Variants in LRRTM4 observed in about 807,000 individuals in gnomAD.
The protein encoded by LRRTM4 is leucine rich repeat transmembrane neuronal 4, also known as leucine-rich repeat transmembrane neuronal protein 4.
Under a neutral mutation model 47.6 loss-of-function variants are expected in LRRTM4, and 25 were observed. That is an observed-to-expected ratio of 0.53 (90% CI 0.38 to 0.73). The LOEUF (loss-of-function observed/expected upper bound fraction) is 0.73, where lower values mean the gene tolerates loss of function less well. Ranked by LOEUF, LRRTM4 falls within the 30% of genes least tolerant of loss-of-function variation. The pLI is 0.00. For missense variants in LRRTM4, 638 were observed against 713.4 expected (o/e 0.89, Z 1.20); for synonymous variants, 311 against 269.5 (o/e 1.15, Z -1.51).
intron 3 of LRRTM4, among the ~76,000 whole-genome samples, chr2:76,795,303 G>C (rs575379458): frequency 2.0e-5 from 3 of 152,144 alleles, no homozygotes; most frequent in South Asian, 2.1e-4. Flanking sequence ...ACAATATCTT[G>C]TTTTGAAATA....
chr2:77,444,932 TAC>T (rs745467847), intron 3 of LRRTM4, among the ~76,000 whole-genome samples: 2 of 121,994 alleles, frequency 1.6e-5, no homozygotes, highest in Admixed American at 8.3e-5. Context: ...TCCTTTATTT[TAC>T]ACACACACAC....
intron 3 of LRRTM4, among the ~76,000 whole-genome samples, chr2:76,833,726 T>C (rs2103904225): frequency 6.6e-6 from 1 of 152,090 alleles, no homozygotes; most frequent in South Asian, 2.1e-4. Context: ...TAAAATATTC[T>C]ACATGCTCAA....
intron 3 of LRRTM4, among the ~76,000 whole-genome samples, chr2:76,755,172 C>T (rs1470882594): frequency 6.6e-6 from 1 of 152,108 alleles, no homozygotes. Flanking sequence ...TAGTCTATCC[C>T]TGACCATTTT....
intron 3 of LRRTM4, among the ~76,000 whole-genome samples, chr2:77,424,134 T>C (rs1675015276): frequency 6.6e-6 from 1 of 152,140 alleles, no homozygotes; most frequent in African/African-American, 2.4e-5. Context: ...GACTGAGAGG[T>C]CAGAATCTGA....
chr2:76,893,390 T>A lies in LRRTM4; in HGVS notation c.1552-144474A>T, dbSNP rs374664231. The stretch of plus-strand genomic sequence containing the variant: ...GGACACATTTCTAATAACCTAATAA[T>A]CTCTGATAACTTCTGATAACATTAA... On this transcript the variant is annotated intron_variant, in intron 3 of 3. Coordinates refer to ENST00000409884, the MANE Select transcript of LRRTM4 (RefSeq NM_001134745.3). Among the ~76,000 whole-genome samples, 9 of 151,782 alleles carry A rather than the reference T, an allele frequency of 5.9e-5. No homozygotes were observed. The East Asian group carries it at 9.7e-4, about 16-fold the overall frequency.
intron 3 of LRRTM4, among the ~76,000 whole-genome samples, chr2:77,465,739 G>C (rs771918828): frequency 6.6e-6 from 1 of 152,130 alleles, no homozygotes; most frequent in African/African-American, 2.4e-5. Flanking sequence ...TTACCTATCA[G>C]TGGTCCCAGA....
intron 3 of LRRTM4, among the ~76,000 whole-genome samples, chr2:76,927,177 A>T (rs150473238): frequency 2.6e-5 from 4 of 151,914 alleles, no homozygotes; most frequent in Admixed American, 2.6e-4. Flanking sequence ...TTCCCTAGGA[A>T]CCCTCCCTTT....
chr2:77,395,028 A>G (rs1477842895), intron 3 of LRRTM4, among the ~76,000 whole-genome samples: 1 of 151,858 alleles, frequency 6.6e-6, no homozygotes, highest in East Asian at 1.9e-4. Flanking sequence ...TGGCAGTTAG[A>G]ATTTATTCTT....
At chr2:76,876,680 G>A (rs951673307) in intron 3 of LRRTM4, among the ~76,000 whole-genome samples, 4 of 151,744 alleles carry the variant, frequency 2.6e-5, no homozygotes, top group African/African-American at 9.7e-5. Flanking sequence ...CTTTATAAAT[G>A]ACAGACACTA....
At chr2:76,835,059 A>G (rs1402235656) in intron 3 of LRRTM4, among the ~76,000 whole-genome samples, 1 of 152,130 alleles carries the variant, frequency 6.6e-6, no homozygotes, top group South Asian at 2.1e-4. Flanking sequence ...GCATCCGAAC[A>G]TTTGAAAGAA....
chr2:76,846,065 A>C (rs1044791700), intron 3 of LRRTM4, among the ~76,000 whole-genome samples: 1 of 152,112 alleles, frequency 6.6e-6, no homozygotes, highest in African/African-American at 2.4e-5. Flanking sequence ...ATATATGCGC[A>C]TTCAGTGGGG....
At chr2:77,090,144 A>G (rs1208705879) in intron 3 of LRRTM4, among the ~76,000 whole-genome samples, 2 of 151,672 alleles carry the variant, frequency 1.3e-5, no homozygotes, top group Non-Finnish European at 2.9e-5. Context: ...TCCCCTCCTC[A>G]CACCTGGTCT....
At chr2:76,779,785 T>C (rs956230827) in intron 3 of LRRTM4, among the ~76,000 whole-genome samples, 3 of 152,218 alleles carry the variant, frequency 2.0e-5, no homozygotes, top group Admixed American at 2.0e-4. Context: ...TTGTTTTGTG[T>C]GAATTTGATC....
chr2:77,379,875 G>T (rs558245832), intron 3 of LRRTM4, among the ~76,000 whole-genome samples: 1 of 152,084 alleles, frequency 6.6e-6, no homozygotes, highest in East Asian at 1.9e-4. Context: ...CTGCTAACTT[G>T]TAGTTGGTCT....
At chr2:77,037,201 G>T (rs1364089325) in intron 3 of LRRTM4, among the ~76,000 whole-genome samples, 2 of 151,744 alleles carry the variant, frequency 1.3e-5, no homozygotes, top group African/African-American at 4.8e-5. Flanking sequence ...TCTATATACA[G>T]AGAGAGAATA....
intron 3 of LRRTM4, among the ~76,000 whole-genome samples, chr2:76,852,309 G>A (rs185157248): frequency 9.2e-5 from 14 of 152,066 alleles, no homozygotes; most frequent in Non-Finnish European, 2.1e-4. Flanking sequence ...CAAAATCACA[G>A]CTTCGTACCA....
At chr2:77,049,715 AAAT>A (rs1202371306) in intron 3 of LRRTM4, among the ~76,000 whole-genome samples, 1 of 151,950 alleles carries the variant, frequency 6.6e-6, no homozygotes, top group Admixed American at 6.6e-5. Flanking sequence ...AATAGTATGC[AAAT>A]AATTTCTCTC....
rs11302579 is a variant in LRRTM4 at position 77,039,326 on chromosome 2, CTT to C, written c.1552-290412_1552-290411del. Among the ~76,000 whole-genome samples the C allele has an allele frequency of 1.8e-3, 261 of 146,464 alleles. 1 individual carries two copies. Among genetic ancestry groups the C allele is most frequent in the Admixed American group, 2.1e-3 (31 of 14,608 alleles). On this transcript the variant is annotated intron_variant, in intron 3 of 3. Coordinates refer to ENST00000409884, the MANE Select transcript of LRRTM4 (RefSeq NM_001134745.3). Reference sequence around the variant, plus strand: ...TTCAAATGTTTTTAAAATTGTAAGTCTTTTTTTTTTTTTAAATGAAGGCAAAT... The same window carrying C: ...TTCAAATGTTTTTAAAATTGTAAGTCTTTTTTTTTTTAAATGAAGGCAAAT...
chr2:77,423,329 T>C (rs572783027), intron 3 of LRRTM4, among the ~76,000 whole-genome samples: 1 of 138,470 alleles, frequency 7.2e-6, no homozygotes, highest in Admixed American at 7.1e-5. Context: ...TTTGGAATAA[T>C]TCCCAAAATT....
Sources: gnomAD v4.1 joint callset for allele counts (sites outside exome capture counted in the v4.1 genomes callset) on GRCh38, gnomAD v4.1.1 for gene constraint, MANE v1.5 for transcripts, NCBI Gene and HGNC (gene_info 2026-07-23, HGNC 2026-07-21) for gene names.